Variants in ENTPD1 observed in about 807,000 individuals in gnomAD.
ENTPD1 encodes the protein ectonucleoside triphosphate diphosphohydrolase 1, also known as ATP diphosphohydrolase.
Under a neutral mutation model 57.0 loss-of-function variants are expected in ENTPD1, and 33 were observed. The ratio of observed to expected loss-of-function variants is 0.58; its 90% confidence interval spans 0.44 to 0.77. The LOEUF is 0.77. Among genes scored for constraint, ENTPD1 ranks in the 30% least tolerant of loss-of-function variants. ENTPD1 has a pLI of 0.00. For missense variants in ENTPD1, 501 were observed against 603.4 expected (o/e 0.83, Z 1.78); for synonymous variants, 202 against 218.8 (o/e 0.92, Z 0.68).
the ENTPD1 span, among the ~76,000 whole-genome samples, chr10:95,702,416 C>A: frequency 6.6e-6 from 1 of 151,486 alleles, no homozygotes; most frequent in Non-Finnish European, 1.5e-5. Flanking sequence ...GATTAGTGAA[C>A]TGAAAAACTA....
chr10:95,824,724 G>C (rs1212712450), intron 2 of ENTPD1, among the ~76,000 whole-genome samples: 1 of 152,230 alleles, frequency 6.6e-6, no homozygotes, highest in Admixed American at 6.5e-5. Flanking sequence ...ACAAACTTGA[G>C]TTATGTTCCC....
At chr10:95,822,649 G>T (rs1181993395) in intron 1 of ENTPD1, among the ~76,000 whole-genome samples, 1 of 152,180 alleles carries the variant, frequency 6.6e-6, no homozygotes, top group Non-Finnish European at 1.5e-5. Flanking sequence ...TCCCATGACA[G>T]AATGAGACTA....
chr10:95,844,626 A>G lies in ENTPD1; in HGVS notation c.564A>G (p.Lys188=), dbSNP rs550864612. The change falls in exon 5 of 10, where the codon AAA becomes AAG. Residue 188 remains lysine, a synonymous_variant. Transcript: ENST00000371205. The part of the protein sequence containing the change: ...GWITINYLLG[K]FSQKTRWFSI... The stretch of plus-strand genomic sequence containing the variant: ...TTACTATCAACTATCTGCTGGGCAA[A>G]TTCAGTCAGGTGAATATCTCACAGC... The G allele has an allele frequency of 4.0e-5, 65 of 1,614,144 alleles. No homozygotes were observed. In the South Asian group the frequency reaches 6.7e-4, roughly 17 times the overall value.
Position 95,870,879 on chromosome 10 carries a change from C to T in ENTPD1, c.*4496C>T, listed in dbSNP as rs187240903. On this transcript the variant is annotated 3_prime_UTR_variant, in exon 10 of 10. Transcript: ENST00000371205. ...AATTGCTGCAGTAAACATTGATTTTCATGTTTGTGAGTCTGCAAGCCAGCT... is the reference window on the plus strand; with the variant it reads ...AATTGCTGCAGTAAACATTGATTTTTATGTTTGTGAGTCTGCAAGCCAGCT... The T allele has an allele frequency of 2.3e-4, 225 of 985,412 alleles. No homozygotes were observed. The highest frequency in any genetic ancestry group is 2.5e-4 in the Non-Finnish European group (210 of 829,924). 61.0% of individuals were successfully genotyped at this position (985,412 alleles called of 1,614,324 possible).
chr10:95,842,508 T>C lies in ENTPD1; in HGVS notation c.413+14T>C, dbSNP rs2098424659. ...GCGGTTGCTCAGGTATAGCAGCATG[T>C]AGGGACCAAGAGTATCTGGGAGTTA... On this transcript the variant is annotated intron_variant, in intron 4 of 9. Transcript: ENST00000371205. 3.7e-6 allele frequency: 6 copies of C among 1,612,334 alleles called. No individual in the cohort carries two copies. In the African/African-American group the frequency reaches 5.3e-5, roughly 14 times the overall value.
intron 6 of ENTPD1, 185 bp downstream of exon 6, chr10:95,845,781 C>T (rs1028091883): frequency 9.3e-6 from 8 of 861,082 alleles, no homozygotes; most frequent in Non-Finnish European, 1.5e-5. Flanking sequence ...TCAGACATCC[C>T]CTCCCATGTT....
chr10:95,772,970 C>T (rs2098120422), intron 1 of ENTPD1, among the ~76,000 whole-genome samples: 1 of 152,082 alleles, frequency 6.6e-6, no homozygotes, highest in Non-Finnish European at 1.5e-5. Flanking sequence ...GGCTTGAAAG[C>T]TCAAGATTGG....
chr10:95,720,041 A>G (rs2097975799), intron 1 of ENTPD1, among the ~76,000 whole-genome samples: 1 of 152,082 alleles, frequency 6.6e-6, no homozygotes, highest in African/African-American at 2.4e-5. Context: ...CCTAACCTCC[A>G]CTGTCCATTG....
intron 7 of ENTPD1, among the ~76,000 whole-genome samples, chr10:95,857,037 A>T (rs1219881574): frequency 1.3e-5 from 2 of 152,058 alleles, no homozygotes; most frequent in Non-Finnish European, 2.9e-5. Context: ...CATTTTAAAG[A>T]CATTTCTATT....
At chr10:95,747,593 T>C (rs1410118482) in intron 1 of ENTPD1, among the ~76,000 whole-genome samples, 5 of 152,236 alleles carry the variant, frequency 3.3e-5, no homozygotes, top group Non-Finnish European at 7.3e-5. Flanking sequence ...GTCCAATTTA[T>C]GTGGTTCCTG....
intron 2 of ENTPD1, among the ~76,000 whole-genome samples, chr10:95,832,324 G>A (rs1325908338): frequency 6.6e-6 from 1 of 152,100 alleles, no homozygotes; most frequent in Non-Finnish European, 1.5e-5. Context: ...GTGTTAGCAG[G>A]CATCCTGGGG....
At chr10:95,719,205 G>A (rs1442843203) in intron 1 of ENTPD1, among the ~76,000 whole-genome samples, 1 of 152,220 alleles carries the variant, frequency 6.6e-6, no homozygotes, top group Non-Finnish European at 1.5e-5. Context: ...TGGGTTGCAA[G>A]CTGGTCTCTC....
intron 1 of ENTPD1, among the ~76,000 whole-genome samples, chr10:95,720,251 G>A (rs1177238517): frequency 1.3e-5 from 2 of 152,066 alleles, no homozygotes; most frequent in East Asian, 3.9e-4. Flanking sequence ...CGTCCATATT[G>A]TCCGTCTGTT....
chr10:95,745,428 A>T (rs987415281), intron 1 of ENTPD1, among the ~76,000 whole-genome samples: 3 of 152,040 alleles, frequency 2.0e-5, no homozygotes, highest in Admixed American at 2.0e-4. Flanking sequence ...AATCCTCCTG[A>T]ATTGGCCTCC....
In ENTPD1 at chr10:95,869,762, A is replaced by G. The variant is rs1275036751; in HGVS notation, c.*3379A>G. The G allele has an allele frequency of 1.2e-6, 1 of 823,172 alleles. No homozygotes were observed. Among genetic ancestry groups the G allele is most frequent in the Non-Finnish European group, 1.5e-6 (1 of 682,270 alleles). 51.0% of individuals were successfully genotyped at this position (823,172 alleles called of 1,614,324 possible). ...TGGTATGGTACACTCAAACTGGGTA[A>G]CACAGGAGAGTTTTCAGAAAGCAAC... is the stretch of plus-strand genomic sequence containing the variant. On this transcript the variant is annotated 3_prime_UTR_variant, in exon 10 of 10. Coordinates refer to ENST00000371205, the MANE Select transcript of ENTPD1 (RefSeq NM_001776.6).
At chr10:95,769,822 T>C (rs2098107934) in intron 1 of ENTPD1, among the ~76,000 whole-genome samples, 1 of 152,114 alleles carries the variant, frequency 6.6e-6, no homozygotes, top group South Asian at 2.1e-4. Flanking sequence ...TGGATTTAGA[T>C]GGGAAACAAG....
At chr10:95,724,906 T>A (rs989778257) in intron 1 of ENTPD1, among the ~76,000 whole-genome samples, 1 of 152,234 alleles carries the variant, frequency 6.6e-6, no homozygotes, top group Non-Finnish European at 1.5e-5. Flanking sequence ...TGAGAAGTTT[T>A]GGGCCTTTAT....
At chr10:95,712,469 A>G (rs541659554) in intron 1 of ENTPD1, among the ~76,000 whole-genome samples, 3 of 152,342 alleles carry the variant, frequency 2.0e-5, no homozygotes, top group Non-Finnish European at 2.9e-5. Flanking sequence ...TTTAGGGAGC[A>G]TGATTTTCAG....
intron 1 of ENTPD1, among the ~76,000 whole-genome samples, chr10:95,727,453 C>T (rs979601335): frequency 4.6e-5 from 7 of 152,060 alleles, no homozygotes; most frequent in East Asian, 1.9e-4. Context: ...TCATATTTTT[C>T]GATCATAAAG....
Sources: gnomAD v4.1 joint callset for allele counts (sites outside exome capture counted in the v4.1 genomes callset) on GRCh38, gnomAD v4.1.1 for gene constraint, MANE v1.5 for transcripts, NCBI Gene and HGNC (gene_info 2026-07-23, HGNC 2026-07-21) for gene names.